The following DCAF5 variants were observed in gnomAD, a reference collection of about 807,000 sequenced individuals.
DCAF5 encodes the protein DDB1- and CUL4-associated factor 5.
Under a neutral mutation model 80.7 loss-of-function variants are expected in DCAF5, and 9 were observed. That is an observed-to-expected ratio of 0.11 (90% confidence interval 0.07 to 0.19). The LOEUF is 0.19. DCAF5 is among the 10% of genes least tolerant of loss of function. The pLI is 1.00. For missense variants in DCAF5, 842 were observed against 1,205.7 expected (o/e 0.70, Z 4.47); for synonymous variants, 433 against 461.9 (o/e 0.94, Z 0.80).
In DCAF5 at chr14:69,054,210, C is replaced by T. The variant is rs2037862489; in HGVS notation, c.2476G>A (p.Glu826Lys). Residue 826 changes from glutamate to lysine, a missense_variant, in exon 9 of 9, where the codon GAA (glutamate) becomes AAA (lysine). This residue lies in a region of DCAF5 where 607 missense variants were observed against 656.6 expected (regional missense o/e 0.92). Coordinates refer to ENST00000341516, the MANE Select transcript of DCAF5 (RefSeq NM_003861.3). ...QSDDSEERSL[E>K]TICANHNNGR... is the part of the protein sequence containing the mutation. ...TTGTTGTGGTTGGCACAGATGGTTT[C>T]GAGGCTCCTCTCCTCACTGTCATCA... 3 of 1,614,182 alleles carry T rather than the reference C, an allele frequency of 1.9e-6. No homozygotes were observed. Among genetic ancestry groups the T allele is most frequent in the Non-Finnish European group, 1.7e-6 (2 of 1,180,036 alleles).
rs769069023 is a variant in DCAF5 at position 69,091,849 on chromosome 14, C to T, written c.704G>A (p.Ser235Asn). Residue 235 changes from serine (S) to asparagine (N), a missense_variant, in exon 6 of 9, where the codon AGT (serine) becomes AAT (asparagine). Coordinates refer to ENST00000341516, the MANE Select transcript of DCAF5 (RefSeq NM_003861.3). ...LRYGGNLSLQ[S>N]AMSVRFNSNG... The stretch of plus-strand genomic sequence containing the variant: ...GCTGTTGAATCGTACACTCATGGCA[C>T]TTTGGAGGGACAGGTTTCCACCATA... 6.2e-7 allele frequency: 1 copy of T among 1,613,994 alleles called. No homozygotes were observed. The highest frequency in any genetic ancestry group is 1.7e-5 in the Admixed American group (1 of 60,006).
chr14:69,062,930 C>T (rs1295592613), intron 7 of DCAF5, among the ~76,000 whole-genome samples: 1 of 151,948 alleles, frequency 6.6e-6, no homozygotes, highest in African/African-American at 2.4e-5. Flanking sequence ...CATATAATGA[C>T]TTAAATGTAC....
chr14:69,128,385 C>A (rs1278967658), intron 1 of DCAF5, among the ~76,000 whole-genome samples: 1 of 152,118 alleles, frequency 6.6e-6, no homozygotes, highest in Non-Finnish European at 1.5e-5. Flanking sequence ...AGGATTTCAC[C>A]ATGTTGCCCA....
chr14:69,094,934 T>C (rs545672062), intron 5 of DCAF5, among the ~76,000 whole-genome samples: 85 of 152,300 alleles, frequency 5.6e-4, no homozygotes, highest in Non-Finnish European at 1.1e-3. Flanking sequence ...GTGAGAAACA[T>C]GATTCCATTT....
chr14:69,135,750 A>C (rs990770648), intron 1 of DCAF5, among the ~76,000 whole-genome samples: 1 of 152,236 alleles, frequency 6.6e-6, no homozygotes, highest in Non-Finnish European at 1.5e-5. Flanking sequence ...TTCCCAATAC[A>C]CAGAGGCTTT....
intron 1 of DCAF5, among the ~76,000 whole-genome samples, chr14:69,148,681 C>A (rs2041617246): frequency 6.6e-6 from 1 of 152,002 alleles, no homozygotes; most frequent in Non-Finnish European, 1.5e-5. Flanking sequence ...GGCGACAGAG[C>A]AAGACTCCAT....
intron 1 of DCAF5, among the ~76,000 whole-genome samples, chr14:69,123,256 C>A (rs1359872585): frequency 2.0e-5 from 3 of 152,184 alleles, no homozygotes; most frequent in Non-Finnish European, 2.9e-5. Context: ...TTGCATAAAA[C>A]AAAATTTTTA....
rs746956032 is a variant in DCAF5 at position 69,055,003 on chromosome 14, A to ACTG, written c.1680_1682dup (p.Ser568dup). 1.9e-6 allele frequency: 3 copies of ACTG among 1,614,162 alleles called. No homozygotes were observed. In the South Asian group the frequency reaches 3.3e-5, roughly 18 times the overall value. ...CCTCAGAGCTGCTAGAGCTGCTGGAACTGCTGGATTCATCTTCGGGGCTGG... is the reference window on the plus strand; with the variant it reads ...CCTCAGAGCTGCTAGAGCTGCTGGAACTGCTGCTGGATTCATCTTCGGGGCTGG... On this transcript the variant is annotated inframe_insertion, in exon 9 of 9. Coordinates refer to ENST00000341516, the MANE Select transcript of DCAF5 (RefSeq NM_003861.3). This position sits in a 1 kb window ranked among gnomAD's most constrained non-coding sequence, Gnocchi z 5.6.
chr14:69,084,033 C>A, intron 6 of DCAF5: 1 of 780,248 alleles, frequency 1.3e-6, no homozygotes, highest in Non-Finnish European at 2.4e-6. Flanking sequence ...AGGCAGGGAT[C>A]TTCTTGCAGC....
chr14:69,085,152 T>A, intron 6 of DCAF5: 1 of 753,732 alleles, frequency 1.3e-6, no homozygotes, highest in Non-Finnish European at 2.5e-6. Flanking sequence ...AACCTACGAT[T>A]CCCATTCTCT....
intron 5 of DCAF5, among the ~76,000 whole-genome samples, chr14:69,103,614 T>A (rs1434680272): frequency 6.6e-6 from 1 of 152,238 alleles, no homozygotes; most frequent in African/African-American, 2.4e-5. Flanking sequence ...CAGCTATACA[T>A]GCATTCATTT....
chr14:69,064,107 G>A (rs1463779654), intron 7 of DCAF5, among the ~76,000 whole-genome samples: 1 of 152,078 alleles, frequency 6.6e-6, no homozygotes, highest in Admixed American at 6.6e-5. Context: ...TTCCTAAGGT[G>A]GTATGAAAGG....
chr14:69,055,232 G>T lies in DCAF5; in HGVS notation c.1454C>A (p.Pro485His). The T allele has an allele frequency of 6.2e-7, 1 of 1,614,190 alleles. No individual in the cohort carries two copies. Among genetic ancestry groups the T allele is most frequent in the Non-Finnish European group, 8.5e-7 (1 of 1,180,040 alleles). Residue 485 changes from proline to histidine, a missense_variant, in exon 9 of 9, where the codon CCC (proline) becomes CAC (histidine). Coordinates refer to ENST00000341516, the MANE Select transcript of DCAF5 (RefSeq NM_003861.3). This position sits in a 1 kb window ranked among gnomAD's most constrained non-coding sequence, Gnocchi z 5.6. The stretch of plus-strand genomic sequence containing the variant: ...TGTGTTTGTGGTGGTGACCCGCAGG[G>T]GCCCCAGGTGGAAGGCGTTGTCGGC... ...ESADNAFHLGPLRVTTTNTVA... is the reference protein window; with the variant it reads ...ESADNAFHLGHLRVTTTNTVA...
chr14:69,117,492 G>A (rs945102227), intron 4 of DCAF5, among the ~76,000 whole-genome samples: 10 of 152,128 alleles, frequency 6.6e-5, no homozygotes, highest in African/African-American at 1.2e-4. Flanking sequence ...TAAAGGCCAC[G>A]GTGGGTATGG....
rs1021040573 is a variant in DCAF5, at chr14:69,146,114, A to G, written c.214+6651T>C. 4.6e-5 allele frequency among the ~76,000 whole-genome samples: 7 copies of G among 152,296 alleles called. No individual in the cohort carries two copies. The Middle Eastern group carries it at 0.017, about 370-fold the overall frequency. ...AGCACGTGCTTGTACCTGGGCTGAC[A>G]CTTCCTTTCAATGTGGTGGCCAAAA... On this transcript the variant is annotated intron_variant, in intron 1 of 8. Transcript: ENST00000341516.
chr14:69,136,009 T>C (rs895048600), intron 1 of DCAF5, among the ~76,000 whole-genome samples: 3 of 152,164 alleles, frequency 2.0e-5, no homozygotes, highest in African/African-American at 7.2e-5. Flanking sequence ...TTGCAACTAA[T>C]CTTTAAGAAA....
chr14:69,065,839 G>C (rs1191838662), intron 7 of DCAF5, among the ~76,000 whole-genome samples: 1 of 152,166 alleles, frequency 6.6e-6, no homozygotes, highest in African/African-American at 2.4e-5. Flanking sequence ...TATCAAATTG[G>C]AAGGAGACAG....
intron 2 of DCAF5, 95 bp downstream of exon 2, chr14:69,122,122 G>C: frequency 6.9e-7 from 1 of 1,452,862 alleles, no homozygotes; most frequent in South Asian, 1.3e-5. Flanking sequence ...ACAGCTCAAT[G>C]AAATACAGGA....
intron 1 of DCAF5, among the ~76,000 whole-genome samples, chr14:69,148,937 C>T (rs556068640): frequency 2.6e-5 from 4 of 152,316 alleles, no homozygotes; most frequent in Admixed American, 2.6e-4. Context: ...CCACATTGTG[C>T]CTCCACATTC....
Sources: allele counts gnomAD v4.1 joint callset (sites outside exome capture counted in the v4.1 genomes callset), GRCh38; gene constraint gnomAD v4.1.1; regional missense constraint gnomAD v4.1.1; non-coding constraint Gnocchi (gnomAD v3.1); transcripts MANE v1.5; gene names NCBI Gene and HGNC (gene_info 2026-07-23, HGNC 2026-07-21).